Variants in FAM120B observed in about 807,000 individuals in gnomAD.
The protein encoded by FAM120B is family with sequence similarity 120 member B.
Under a neutral mutation model 96.3 loss-of-function variants are expected in FAM120B, and 83 were observed. That is an observed-to-expected ratio of 0.86 (90% CI 0.72 to 1.03). FAM120B has a LOEUF of 1.03. FAM120B is among the 50% of genes least tolerant of loss of function. FAM120B has a pLI of 0.00. For synonymous variants in FAM120B, 407 were observed against 402.7 expected (o/e 1.01, Z -0.13); for missense variants, 1,027 against 1,121.2 (o/e 0.92, Z 1.20).
At position 170,348,265 on chromosome 6, in the gene FAM120B, A is replaced by G; in HGVS notation, c.2132A>G (p.Gln711Arg). 6.2e-7 allele frequency: 1 copy of G among 1,613,946 alleles called. No homozygotes were observed. Among genetic ancestry groups the G allele is most frequent in the Non-Finnish European group, 8.5e-7 (1 of 1,179,924 alleles). ...FNLSSSREELQAVESPFQALC... is the reference protein window; with the variant it reads ...FNLSSSREELRAVESPFQALC... ...CTTTCCTCCTCAAGAGAAGAGCTGC[A>G]GGCTGTCGAAAGCCCATTTCAAGCT... Residue 711 changes from glutamine to arginine, a missense_variant, in exon 5 of 11, where the codon CAG (glutamine) becomes CGG (arginine). Transcript: ENST00000476287.
chr6:170,388,210 C>A, intron 6 of FAM120B, 77 bp from the exon 7 acceptor site: 1 of 1,271,156 alleles, frequency 7.9e-7, no homozygotes, highest in Non-Finnish European at 1.1e-6. Flanking sequence ...AGCAGAGTAA[C>A]TTTGCAGAGC....
intron 3 of FAM120B, among the ~76,000 whole-genome samples, chr6:170,327,309 G>C (rs1785660024): frequency 6.6e-6 from 1 of 152,198 alleles, no homozygotes; most frequent in South Asian, 2.1e-4. Context: ...GCCTCCCAAA[G>C]TGCTGGGATT....
At chr6:170,381,407 A>G (rs1432364755) in intron 6 of FAM120B, among the ~76,000 whole-genome samples, 1 of 152,140 alleles carries the variant, frequency 6.6e-6, no homozygotes, top group African/African-American at 2.4e-5. Context: ...ACTCCCCTCA[A>G]AAGAGGTCTC....
intron 6 of FAM120B, among the ~76,000 whole-genome samples, chr6:170,359,875 A>G (rs1788227210): frequency 6.6e-6 from 1 of 152,076 alleles, no homozygotes; most frequent in Non-Finnish European, 1.5e-5. Flanking sequence ...TTTTTCCTCC[A>G]TTAAGCAAAA....
At chr6:170,317,219 T>C in intron 1 of FAM120B, 151 bp from the exon 2 acceptor site, 2 of 615,312 alleles carry the variant, frequency 3.3e-6, no homozygotes, top group Non-Finnish European at 5.6e-6. Flanking sequence ...AATTGAGAAC[T>C]CTTAAGGCTC....
chr6:170,383,102 GA>G (rs140590111), intron 6 of FAM120B, among the ~76,000 whole-genome samples: 25,522 of 108,440 alleles, frequency 0.24, 3,002 homozygotes, highest in East Asian at 0.68. Flanking sequence ...GCCAAAAAAA[GA>G]AAAAAAAAAA....
chr6:170,364,814 T>C (rs1788670191), intron 6 of FAM120B, among the ~76,000 whole-genome samples: 3 of 152,226 alleles, frequency 2.0e-5, no homozygotes, highest in Admixed American at 1.3e-4. Flanking sequence ...TTCAGATAAC[T>C]GTGGTGGCGT....
At chr6:170,291,440 G>A (rs1383635195), upstream of FAM120B, among the ~76,000 whole-genome samples, 1 of 152,114 alleles carries the variant, frequency 6.6e-6, no homozygotes, top group African/African-American at 2.4e-5. Context: ...GCGGCTGCGA[G>A]CAGGAGGACG....
chr6:170,361,975 G>C (rs1788489773), intron 6 of FAM120B, among the ~76,000 whole-genome samples: 2 of 151,980 alleles, frequency 1.3e-5, no homozygotes, highest in Admixed American at 6.6e-5. Context: ...TGTATTTTTG[G>C]TAGAGACAGG....
chr6:170,377,998 A>G (rs1322259734), intron 6 of FAM120B, among the ~76,000 whole-genome samples: 1 of 150,082 alleles, frequency 6.7e-6, no homozygotes, highest in Admixed American at 6.7e-5. Context: ...ACCAAAAGGG[A>G]AATGTTTATG....
At chr6:170,379,333 T>C (rs2115279923) in intron 6 of FAM120B, among the ~76,000 whole-genome samples, 2 of 152,338 alleles carry the variant, frequency 1.3e-5, no homozygotes, top group South Asian at 4.1e-4. Context: ...AGTCCTCATA[T>C]ATTGTTTACT....
At chr6:170,339,050 A>G (rs1447881475) in intron 4 of FAM120B, among the ~76,000 whole-genome samples, 3 of 152,148 alleles carry the variant, frequency 2.0e-5, no homozygotes, top group Non-Finnish European at 1.5e-5. Flanking sequence ...GTTATGTGTC[A>G]TCATGATGCT....
At chr6:170,398,621 A>G (rs1212817047) in intron 9 of FAM120B, among the ~76,000 whole-genome samples, 2 of 139,786 alleles carry the variant, frequency 1.4e-5, no homozygotes, top group African/African-American at 2.8e-5. Flanking sequence ...AACTCTTCGG[A>G]GTGAGTGGGA....
upstream of FAM120B, among the ~76,000 whole-genome samples, chr6:170,303,357 A>C (rs957395823): frequency 2.0e-5 from 3 of 152,120 alleles, no homozygotes; most frequent in African/African-American, 7.2e-5. Flanking sequence ...CTCCCACCTC[A>C]GCCTCCTAAG....
intron 1 of FAM120B, among the ~76,000 whole-genome samples, chr6:170,300,475 T>C (rs1784117621): frequency 6.6e-6 from 1 of 152,108 alleles, no homozygotes; most frequent in African/African-American, 2.4e-5. Context: ...ATAATTCCAC[T>C]CCTGGTCCCT....
chr6:170,381,608 G>A lies in FAM120B; in HGVS notation c.2284-6679G>A, dbSNP rs115461034. Among the ~76,000 whole-genome samples the A allele has an allele frequency of 3.6e-3, 546 of 152,112 alleles. 5 individuals carry two copies. The highest frequency in any genetic ancestry group is 0.013 in the African/African-American group (522 of 41,506). The stretch of plus-strand genomic sequence containing the variant: ...CTACAGGCCATTATCCCTTTTGAAT[G>A]TAGGTACAAAAATCTTGAACAAAAT... On this transcript the variant is annotated intron_variant, in intron 6 of 10. Coordinates refer to ENST00000476287, the MANE Select transcript of FAM120B (RefSeq NM_032448.3).
At chr6:170,290,984 G>C (rs1248940268), upstream of FAM120B, 12 of 701,634 alleles carry the variant, frequency 1.7e-5, no homozygotes, top group Non-Finnish European at 2.9e-5. This position sits in a 1 kb window ranked among gnomAD's most constrained non-coding sequence, Gnocchi z 4.7. Flanking sequence ...CATGGCTAAT[G>C]AGATGCAAAT....
At chr6:170,371,664 A>G (rs1158875090) in intron 6 of FAM120B, among the ~76,000 whole-genome samples, 1 of 152,222 alleles carries the variant, frequency 6.6e-6, no homozygotes, top group Non-Finnish European at 1.5e-5. Context: ...AAAAAGCAAA[A>G]AACATCTCAC....
chr6:170,349,147 C>A (rs940341111), intron 5 of FAM120B, among the ~76,000 whole-genome samples: 2 of 152,188 alleles, frequency 1.3e-5, no homozygotes, highest in Admixed American at 1.3e-4. Flanking sequence ...CTTTGCTCCT[C>A]CCCACCTCCC....
Sources: allele counts gnomAD v4.1 joint callset (sites outside exome capture counted in the v4.1 genomes callset), GRCh38; gene constraint gnomAD v4.1.1; non-coding constraint Gnocchi (gnomAD v3.1); transcripts MANE v1.5; gene names NCBI Gene and HGNC (gene_info 2026-07-23, HGNC 2026-07-21).